NDUFB5: variants seen among roughly 807,000 people sequenced by gnomAD.
The protein encoded by NDUFB5 is NADH:ubiquinone oxidoreductase subunit B5.
A neutral mutation model predicts 19.4 loss-of-function variants in NDUFB5; 19 were observed. The observed-to-expected ratio is 0.98, with a 90% CI of 0.68 to 1.43. NDUFB5 has a LOEUF of 1.43. Among genes scored for constraint, NDUFB5 ranks in the 40% most tolerant of loss-of-function variants. The pLI, the probability that NDUFB5 is intolerant of heterozygous loss-of-function variation, is 0.00. For missense variants in NDUFB5, 233 were observed against 236.5 expected (o/e 0.99, Z 0.10); for synonymous variants, 80 against 82.6 (o/e 0.97, Z 0.17).
chr3:179,610,601 T>A (rs896462653), intron 1 of NDUFB5, among the ~76,000 whole-genome samples: 1 of 152,262 alleles, frequency 6.6e-6, no homozygotes, highest in Non-Finnish European at 1.5e-5. Flanking sequence ...TTTTTGCCTG[T>A]GCCTTTGAAG....
chr3:179,622,956 C>G (rs1719577438), intron 5 of NDUFB5, among the ~76,000 whole-genome samples: 1 of 152,254 alleles, frequency 6.6e-6, no homozygotes, highest in African/African-American at 2.4e-5. Context: ...AGAGATTATT[C>G]AATTTGTGAA....
rs1270077599 is a variant in NDUFB5 at position 179,625,114 on chromosome 3, A to G, written c.*1074A>G. 1 of 152,208 alleles carries G rather than the reference A, an allele frequency of 6.6e-6. No individual in the cohort carries two copies. Among genetic ancestry groups the G allele is most frequent in the Admixed American group, 6.5e-5 (1 of 15,274 alleles). The allele number at this position is 152,208 out of a possible 1,614,324, so 9.4% of individuals were successfully genotyped here. A position where few individuals can be genotyped will look rare whatever the true frequency, so the allele number is the denominator to read the frequency against. ...TATTTTCAAAATGACAAGAGGTAGT[A>G]TTTAGTACCTGAGGCTCAGATGTTA... On this transcript the variant is annotated 3_prime_UTR_variant, in exon 6 of 6. Coordinates refer to ENST00000259037, the MANE Select transcript of NDUFB5 (RefSeq NM_002492.4).
Position 179,625,669 on chromosome 3 carries a change from G to A in NDUFB5, c.*1629G>A, listed in dbSNP as rs1415099279. 1 of 151,922 alleles carries A rather than the reference G, an allele frequency of 6.6e-6. No individual in the cohort carries two copies. Among genetic ancestry groups the A allele is most frequent in the Non-Finnish European group, 1.5e-5 (1 of 67,974 alleles). The allele number at this position is 151,922 out of a possible 1,614,324, so 9.4% of individuals were successfully genotyped here. On this transcript the variant is annotated 3_prime_UTR_variant, in exon 6 of 6. Transcript: ENST00000259037. Reference sequence around the variant, plus strand: ...ATTCCTTGTATCTAAATGTATTCTTGTAACCATTAACTAACTTTTCTGAAT... The same window carrying A: ...ATTCCTTGTATCTAAATGTATTCTTATAACCATTAACTAACTTTTCTGAAT...
chr3:179,623,596 C>T (rs926254274), intron 5 of NDUFB5, among the ~76,000 whole-genome samples: 1 of 152,084 alleles, frequency 6.6e-6, no homozygotes, highest in Non-Finnish European at 1.5e-5. Flanking sequence ...ATCACTTGAG[C>T]CTGGGAGGTA....
rs1719292082 is a variant in NDUFB5 at position 179,613,187 on chromosome 3, TA to T, written c.125-1779del. 2.0e-5 allele frequency among the ~76,000 whole-genome samples: 3 copies of T among 152,006 alleles called. No individual in the cohort carries two copies. In the South Asian group the frequency reaches 6.2e-4, roughly 31 times the overall value. ...GTATCCACCTCATCTAAGCCATTCA[TA>T]AAAACCTTGATGCTGCAGGGCTTTT... On this transcript the variant is annotated intron_variant, in intron 1 of 5. Coordinates refer to ENST00000259037, the MANE Select transcript of NDUFB5 (RefSeq NM_002492.4).
chr3:179,615,106 G>A, intron 2 of NDUFB5, 47 bp downstream of exon 2: 12 of 1,294,968 alleles, frequency 9.3e-6, no homozygotes, highest in Non-Finnish European at 1.2e-5. Context: ...ATGTAACAGG[G>A]AAAAAATTTT....
rs1719684771 is a variant in NDUFB5 at position 179,626,804 on chromosome 3, T to A, written c.*2764T>A. The A allele has an allele frequency of 6.6e-6, 1 of 152,286 alleles. No individual in the cohort carries two copies. The highest frequency in any genetic ancestry group is 1.9e-4 in the East Asian group (1 of 5,204). The allele number at this position is 152,286 out of a possible 1,614,324, so 9.4% of individuals were successfully genotyped here. A position where few individuals can be genotyped will look rare whatever the true frequency, so the allele number is the denominator to read the frequency against. ...CCTTGGTCTCCCAAAGTGCTGGGAT[T>A]ACAGGTGTGAGCCACTGCGCCCAGC... On this transcript the variant is annotated 3_prime_UTR_variant, in exon 6 of 6. Transcript: ENST00000259037.
rs1719615181 is a variant in NDUFB5, at chr3:179,624,429, A to G, written c.*389A>G. On this transcript the variant is annotated 3_prime_UTR_variant, in exon 6 of 6. Transcript: ENST00000259037. Reference sequence around the variant, plus strand: ...GGCAACTCAGGATTTTAAGTTCCATAAAGTATTGAACCAACTCTAAAATGT... The same window carrying G: ...GGCAACTCAGGATTTTAAGTTCCATGAAGTATTGAACCAACTCTAAAATGT... 1 of 155,398 alleles carries G rather than the reference A, an allele frequency of 6.4e-6. No individual in the cohort carries two copies. The highest frequency in any genetic ancestry group is 1.4e-5 in the Non-Finnish European group (1 of 70,478). The allele number at this position is 155,398 out of a possible 1,614,324, so 9.6% of individuals were successfully genotyped here. A position where few individuals can be genotyped will look rare whatever the true frequency, so the allele number is the denominator to read the frequency against.
chr3:179,613,476 G>A (rs1227895234), intron 1 of NDUFB5, among the ~76,000 whole-genome samples: 6 of 152,046 alleles, frequency 3.9e-5, no homozygotes, highest in African/African-American at 9.7e-5. Context: ...CTCTTAGACC[G>A]TATATAGTTC....
intron 1 of NDUFB5, among the ~76,000 whole-genome samples, chr3:179,605,410 C>T (rs931145871): frequency 6.6e-6 from 1 of 152,106 alleles, no homozygotes. Flanking sequence ...ACCGTGCCGC[C>T]CAATAATGAG....
chr3:179,623,946 T>C lies in NDUFB5; in HGVS notation c.476T>C (p.Leu159Ser), dbSNP rs779585596. 1.2e-6 allele frequency: 2 copies of C among 1,613,820 alleles called. No homozygotes were observed. The highest frequency in any genetic ancestry group is 1.7e-6 in the Non-Finnish European group (2 of 1,179,836). ...LRVKELEVRK[L>S]MHVRGDGPWY... The stretch of plus-strand genomic sequence containing the variant: ...GTAAAGGAGCTGGAAGTGCGAAAAT[T>C]GATGCATGTGAGAGGAGATGGACCC... The change falls in exon 6 of 6, where the codon TTG becomes TCG. Residue 159 changes from leucine (L) to serine (S), a missense_variant. Transcript: ENST00000259037.
intron 1 of NDUFB5, among the ~76,000 whole-genome samples, chr3:179,608,973 C>T (rs1194100214): frequency 6.6e-6 from 1 of 152,182 alleles, no homozygotes; most frequent in Non-Finnish European, 1.5e-5. Context: ...CACCGAAGCA[C>T]TTGCAGATTT....
At chr3:179,617,935 C>A (rs981127863) in intron 4 of NDUFB5, among the ~76,000 whole-genome samples, 1 of 152,214 alleles carries the variant, frequency 6.6e-6, no homozygotes, top group African/African-American at 2.4e-5. Context: ...TTATTGTGAG[C>A]CTTGAATGGA....
In NDUFB5 at chr3:179,616,027, A is replaced by G; in HGVS notation, c.258A>G (p.Ile86Met). 2 of 1,613,688 alleles carry G rather than the reference A, an allele frequency of 1.2e-6. No homozygotes were observed. The highest frequency in any genetic ancestry group is 1.7e-6 in the Non-Finnish European group (2 of 1,179,808). The change falls in exon 3 of 6, where the codon ATA becomes ATG. Residue 86 changes from isoleucine to methionine, a missense_variant. Transcript: ENST00000259037. ...CTGGGATTCCAGTAGCAATTTTCATAACTCTGGTGAATGTATTCATTGGTA... is the reference window on the plus strand; with the variant it reads ...CTGGGATTCCAGTAGCAATTTTCATGACTCTGGTGAATGTATTCATTGGTA... ...ALTGIPVAIF[I>M]TLVNVFIGQA... is the part of the protein sequence containing the mutation.
intron 5 of NDUFB5, among the ~76,000 whole-genome samples, chr3:179,622,147 G>C (rs543850538): frequency 6.6e-6 from 1 of 151,738 alleles, no homozygotes; most frequent in Admixed American, 6.6e-5. Flanking sequence ...GTTTAGGGGG[G>C]TTTTTTTGTT....
At chr3:179,609,782 G>T (rs550571789) in intron 1 of NDUFB5, among the ~76,000 whole-genome samples, 14 of 152,126 alleles carry the variant, frequency 9.2e-5, no homozygotes, top group South Asian at 8.3e-4. Context: ...CTGGTTTTTT[G>T]ATTGTAGCTA....
rs1432943711 is a variant in NDUFB5, at chr3:179,623,910, T to A, written c.450-10T>A. The stretch of plus-strand genomic sequence containing the variant: ...CTGGAATCTCAATATTGCTGTTCCA[T>A]TTGTTACAGGGTAAAGGAGCTGGAA... On this transcript the variant is annotated splice_polypyrimidine_tract_variant and intron_variant, in intron 5 of 5. Coordinates refer to ENST00000259037, the MANE Select transcript of NDUFB5 (RefSeq NM_002492.4). The A allele has an allele frequency of 6.2e-7, 1 of 1,613,384 alleles. No homozygotes were observed. The highest frequency in any genetic ancestry group is 2.2e-5 in the East Asian group (1 of 44,826).
chr3:179,615,867 G>T, intron 2 of NDUFB5, 116 bp from the exon 3 acceptor site: 1 of 786,334 alleles, frequency 1.3e-6, no homozygotes. Flanking sequence ...GGTACTGTAT[G>T]CCCAATTTGG....
At chr3:179,618,333 T>A (rs1281640095) in intron 4 of NDUFB5, 82 bp from the exon 5 acceptor site, 2 of 817,198 alleles carry the variant, frequency 2.4e-6, no homozygotes, top group African/African-American at 3.5e-5. Context: ...CTAACTGAAA[T>A]GATCATTTTA....
Sources: allele counts gnomAD v4.1 joint callset (sites outside exome capture counted in the v4.1 genomes callset), GRCh38; gene constraint gnomAD v4.1.1; transcripts MANE v1.5; gene names NCBI Gene and HGNC (gene_info 2026-07-23, HGNC 2026-07-21).